Variants in PRSS23 observed in about 807,000 individuals in gnomAD.
PRSS23 encodes the protein serine protease 23, also known as protease, serine 23.
In PRSS23, 25 loss-of-function variants were observed where a neutral mutation model predicts 34.7. The observed-to-expected ratio is 0.72, with a 90% CI of 0.53 to 1.01. PRSS23 has a LOEUF of 1.01. PRSS23 is among the 50% of genes least tolerant of loss of function. PRSS23 has a pLI of 0.00. For missense variants in PRSS23, 445 were observed against 475.6 expected, an observed-to-expected ratio of 0.94 and a Z score of 0.60; for synonymous variants, 176 against 186.6, an observed-to-expected ratio of 0.94 and a Z score of 0.46.
At chr11:86,825,107 GTGTTCC>G (rs1948288975) in intron 2 of PRSS23, among the ~76,000 whole-genome samples, 1 of 151,858 alleles carries the variant, frequency 6.6e-6, no homozygotes, top group Non-Finnish European at 1.5e-5. Context: ...CAGTGTAAAA[GTGTTCC>G]TATTTCTCCA....
chr11:86,798,601 CAATTTT>C (rs746945276), upstream of PRSS23, among the ~76,000 whole-genome samples: 1 of 152,222 alleles, frequency 6.6e-6, no homozygotes, highest in South Asian at 2.1e-4. Context: ...TTACTAATTT[CAATTTT>C]ATTATTCTGG....
intron 2 of PRSS23, among the ~76,000 whole-genome samples, chr11:86,866,876 C>T (rs1948653035): frequency 6.6e-6 from 1 of 152,212 alleles, no homozygotes; most frequent in East Asian, 1.9e-4. Flanking sequence ...TCCCTTTCAC[C>T]TTCTGCCATG....
chr11:86,868,967 A>G lies in PRSS23; in HGVS notation c.206+45374A>G, dbSNP rs1311118312. Reference sequence around the variant, plus strand: ...GCTGGGACTACAGACTTGCACCACCATGCCCAGCTAACCTTTTGTATTTTT... The same window carrying G: ...GCTGGGACTACAGACTTGCACCACCGTGCCCAGCTAACCTTTTGTATTTTT... On this transcript the variant is annotated intron_variant, in intron 2 of 2. Coordinates refer to the PRSS23 transcript ENST00000533902. 6.6e-5 allele frequency among the ~76,000 whole-genome samples: 10 copies of G among 152,064 alleles called. No homozygotes were observed. The East Asian group carries it at 1.9e-3, about 29-fold the overall frequency.
At chr11:86,916,710 T>A (rs1210144623) in intron 2 of PRSS23, among the ~76,000 whole-genome samples, 1 of 152,014 alleles carries the variant, frequency 6.6e-6, no homozygotes, top group Non-Finnish European at 1.5e-5. Context: ...GAATCCACAC[T>A]GTTCCAACAG....
chr11:86,909,739 T>C (rs1433997132), intron 2 of PRSS23: 1 of 152,228 alleles, frequency 6.6e-6, no homozygotes, highest in Non-Finnish European at 1.5e-5. Flanking sequence ...ATGTACCCCT[T>C]TCTAAGCAAA....
intron 2 of PRSS23, among the ~76,000 whole-genome samples, chr11:86,925,318 G>C (rs5001401): frequency 0.59 from 89,677 of 151,260 alleles, 26,937 homozygotes; most frequent in Non-Finnish European, 0.65. Flanking sequence ...GTGTGTGTGT[G>C]TGTGTGTGTG....
At chr11:86,840,411 A>T (rs1028217451) in intron 2 of PRSS23, among the ~76,000 whole-genome samples, 3 of 152,244 alleles carry the variant, frequency 2.0e-5, no homozygotes, top group Non-Finnish European at 4.4e-5. Context: ...AAACAAGAAG[A>T]GCTAACTATC....
chr11:86,929,595 A>C (rs1233572397), intron 2 of PRSS23, among the ~76,000 whole-genome samples: 1 of 152,222 alleles, frequency 6.6e-6, no homozygotes, highest in Admixed American at 6.5e-5. Context: ...GTGAGCCAAG[A>C]TTGTGCCTGG....
chr11:86,880,094 T>C (rs1442408335), intron 2 of PRSS23, among the ~76,000 whole-genome samples: 1 of 152,142 alleles, frequency 6.6e-6, no homozygotes, highest in East Asian at 1.9e-4. Flanking sequence ...CATTTTGTTC[T>C]GTACTAAGAA....
chr11:86,883,011 G>T (rs1166997128), intron 2 of PRSS23, among the ~76,000 whole-genome samples: 1 of 152,172 alleles, frequency 6.6e-6, no homozygotes, highest in Non-Finnish European at 1.5e-5. Flanking sequence ...CTTTTAGGAA[G>T]TATCTGTTCA....
At chr11:86,939,159 A>G (rs1336886960) in intron 2 of PRSS23, 2 of 366,978 alleles carry the variant, frequency 5.4e-6, no homozygotes, top group South Asian at 2.1e-5. Flanking sequence ...ACTACTTCTC[A>G]GGATTCCTGG....
chr11:86,849,637 C>T (rs1948514219), intron 2 of PRSS23, among the ~76,000 whole-genome samples: 1 of 152,172 alleles, frequency 6.6e-6, no homozygotes, highest in South Asian at 2.1e-4. Context: ...GCAGTCCTTG[C>T]AACACCCCAA....
chr11:86,831,526 A>C lies in PRSS23; in HGVS notation c.206+7933A>C, dbSNP rs1285407997. ...TATACACACCGTGATATTATTCGTA[A>C]TAGCCTATAGAAATGTTACTCTTAA... is the stretch of plus-strand genomic sequence containing the variant. On this transcript the variant is annotated intron_variant, in intron 2 of 2. Transcript: ENST00000533902. 2.0e-5 allele frequency among the ~76,000 whole-genome samples: 3 copies of C among 151,920 alleles called. No individual in the cohort carries two copies. The East Asian group carries it at 5.8e-4, about 29-fold the overall frequency.
intron 2 of PRSS23, among the ~76,000 whole-genome samples, chr11:86,825,967 C>A (rs1590880653): frequency 2.6e-5 from 4 of 152,242 alleles, no homozygotes; most frequent in African/African-American, 9.6e-5. Flanking sequence ...AATGCGGGAT[C>A]TTTTTGGTTC....
chr11:86,814,918 T>C (rs1948204671), downstream of PRSS23, among the ~76,000 whole-genome samples: 1 of 152,220 alleles, frequency 6.6e-6, no homozygotes, highest in South Asian at 2.1e-4. Flanking sequence ...TGTCTATGTG[T>C]GTATCAAGTG....
upstream of PRSS23, chr11:86,800,368 T>TGCTCCACCCTGCTCC: frequency 1.2e-6 from 1 of 856,158 alleles, no homozygotes; most frequent in Non-Finnish European, 1.4e-6. Context: ...CCCTCTGGGC[T>TGCTCCACCCTGCTCC]GCTCCACCCT....
chr11:86,898,768 T>C (rs1159985959), intron 2 of PRSS23, among the ~76,000 whole-genome samples: 1 of 152,200 alleles, frequency 6.6e-6, no homozygotes, highest in Admixed American at 6.5e-5. Flanking sequence ...GCATGCGGTG[T>C]GCATATCTCT....
At chr11:86,865,910 A>C (rs1197288342) in intron 2 of PRSS23, among the ~76,000 whole-genome samples, 1 of 152,212 alleles carries the variant, frequency 6.6e-6, no homozygotes, top group Non-Finnish European at 1.5e-5. Flanking sequence ...CTTCTCACAG[A>C]AGTCCACATG....
At position 86,905,480 on chromosome 11, in the gene PRSS23, A is replaced by G. The variant is rs1273130024; in HGVS notation, c.207-45736A>G. 2.0e-5 allele frequency among the ~76,000 whole-genome samples: 3 copies of G among 152,168 alleles called. No homozygotes were observed. In the East Asian group the frequency reaches 5.8e-4, roughly 29 times the overall value. ...GAATCTGTTATTTCCCGCCACAAGC[A>G]GACACAAAATAAAATGCCAGCTAAA... On this transcript the variant is annotated intron_variant, in intron 2 of 2. Coordinates refer to the PRSS23 transcript ENST00000533902.
Sources: allele counts gnomAD v4.1 joint callset (sites outside exome capture counted in the v4.1 genomes callset), GRCh38; gene constraint gnomAD v4.1.1; transcripts MANE v1.5; gene names NCBI Gene and HGNC (gene_info 2026-07-23, HGNC 2026-07-21).